PIK3R4: variants seen among roughly 807,000 people sequenced by gnomAD.
PIK3R4 encodes the protein phosphoinositide 3-kinase regulatory subunit 4.
Under a neutral mutation model 136.5 loss-of-function variants are expected in PIK3R4, and 46 were observed. The ratio of observed to expected loss-of-function variants is 0.34; its 90% CI spans 0.27 to 0.43. PIK3R4 has a LOEUF of 0.43. Ranked by LOEUF, PIK3R4 falls within the 20% of genes least tolerant of loss-of-function variation. PIK3R4 has a pLI of 1.00. For synonymous variants in PIK3R4, 557 were observed against 566.7 expected (o/e 0.98, Z 0.24); for missense variants, 1,331 against 1,649.5 (o/e 0.81, Z 3.35).
intron 19 of PIK3R4, 48 bp from the exon 20 acceptor site, chr3:130,679,533 C>A: frequency 7.3e-7 from 1 of 1,378,422 alleles, no homozygotes; most frequent in South Asian, 1.3e-5. Context: ...AAGTCTGTAC[C>A]ACATTTTTCC....
At chr3:130,691,392 A>C (rs16831057) in intron 13 of PIK3R4, among the ~76,000 whole-genome samples, 3,210 of 152,330 alleles carry the variant, frequency 0.021, 102 homozygotes, top group East Asian at 0.1. Context: ...AAAATCAGGT[A>C]ATATGTAAAC....
intron 13 of PIK3R4, among the ~76,000 whole-genome samples, chr3:130,703,495 A>AT (rs2066590684): frequency 1.3e-5 from 2 of 152,030 alleles, no homozygotes; most frequent in South Asian, 4.2e-4. Context: ...TTCCTGCTGT[A>AT]TTTTTTACCA....
rs1358781395 is a variant in PIK3R4 at position 130,681,416 on chromosome 3, GT to G, written c.3708+74del. Reference sequence around the variant, plus strand: ...AACCCAAAAGCCCAACAGATACTAGGTTTGATTAAATGCCTGAAAGTACTTA... The same window carrying G: ...AACCCAAAAGCCCAACAGATACTAGGTTGATTAAATGCCTGAAAGTACTTA... On this transcript the variant is annotated intron_variant, in intron 17 of 19. Coordinates refer to ENST00000356763, the MANE Select transcript of PIK3R4 (RefSeq NM_014602.3). 4 of 989,716 alleles carry G rather than the reference GT, an allele frequency of 4.0e-6. No homozygotes were observed. In the African/African-American group the frequency reaches 6.4e-5, roughly 16 times the overall value. 61.3% of individuals were successfully genotyped at this position (989,716 alleles called of 1,614,324 possible). A position where few individuals can be genotyped will look rare whatever the true frequency, so the allele number is the denominator to read the frequency against.
intron 7 of PIK3R4, among the ~76,000 whole-genome samples, chr3:130,721,367 C>T (rs2066699306): frequency 1.3e-5 from 2 of 151,394 alleles, no homozygotes; most frequent in Admixed American, 6.6e-5. Flanking sequence ...AAAAATGGAA[C>T]TACCTGTGAT....
At chr3:130,741,067 G>C (rs2066820719) in intron 2 of PIK3R4, among the ~76,000 whole-genome samples, 1 of 152,160 alleles carries the variant, frequency 6.6e-6, no homozygotes, top group Non-Finnish European at 1.5e-5. Context: ...AGGTTTTATT[G>C]ACTGAATTGT....
intron 7 of PIK3R4, among the ~76,000 whole-genome samples, chr3:130,723,099 T>TAAAAAAAAAAAAAAAAAAAAACA (rs1559827922): frequency 1.2e-5 from 1 of 84,842 alleles, no homozygotes; most frequent in Non-Finnish European, 2.3e-5. Flanking sequence ...AAAAAAAAAT[T>TAAAAAAAAAAAAAAAAAAAAACA]AAAAATAAAA....
In PIK3R4 at chr3:130,684,280, G is replaced by A. The variant is rs2066475952; in HGVS notation, c.3577C>T (p.His1193Tyr). Residue 1193 changes from histidine to tyrosine, a missense_variant, in exon 16 of 20, where the codon CAC (histidine) becomes TAC (tyrosine). By Grantham distance (83) the His-to-Tyr change is moderately conservative (BLOSUM62 2). Transcript: ENST00000356763. ...ATCACCCAGGACTGATACAGAGGGTGCATTGAGAGGCGTCTGATTCGAGCC... is the reference window on the plus strand; with the variant it reads ...ATCACCCAGGACTGATACAGAGGGTACATTGAGAGGCGTCTGATTCGAGCC... ...SRARIRRLSM[H>Y]PLYQSWVIAA... is the part of the protein sequence containing the mutation. 1.2e-6 allele frequency: 2 copies of A among 1,613,272 alleles called. No homozygotes were observed. Among genetic ancestry groups the A allele is most frequent in the Admixed American group, 1.7e-5 (1 of 59,984 alleles).
Position 130,723,440 on chromosome 3 carries a change from T to C in PIK3R4, c.1955A>G (p.His652Arg). Residue 652 changes from histidine to arginine, a missense_variant, in exon 7 of 20, where the codon CAT becomes CGT. His to Arg is a conservative substitution (Grantham distance 29). Transcript: ENST00000356763. ...AATATCACTGGCAAATTCGTAAACA[T>C]GGGGTTTTTGTAGCAGTCCTAACTG... ...MCQLGLLQKP[H>R]VYEFASDIAP... is the part of the protein sequence containing the mutation. The C allele has an allele frequency of 6.2e-7, 1 of 1,604,058 alleles. No individual in the cohort carries two copies. Among genetic ancestry groups the C allele is most frequent in the East Asian group, 2.3e-5 (1 of 44,432 alleles).
rs2066593373 is a variant in PIK3R4 at position 130,703,942 on chromosome 3, C to T, written c.2933-54G>A. The T allele has an allele frequency of 8.8e-6, 10 of 1,134,472 alleles. No homozygotes were observed. In the South Asian group the frequency reaches 1.3e-4, roughly 15 times the overall value. 70.3% of individuals were successfully genotyped at this position (1,134,472 alleles called of 1,614,324 possible). ...AACTGTAGTTTACAAATACAATGTC[C>T]CCATCATCCCCTGTTATAATAACCA... On this transcript the variant is annotated intron_variant, in intron 12 of 19. Transcript: ENST00000356763.
At chr3:130,706,891 A>C (rs1387978011) in intron 11 of PIK3R4, 57 bp downstream of exon 11, 3 of 1,425,904 alleles carry the variant, frequency 2.1e-6, no homozygotes, top group Non-Finnish European at 2.8e-6. Flanking sequence ...AAACAACCAA[A>C]ATAGCAGAAG....
chr3:130,705,651 T>C lies in PIK3R4; in HGVS notation c.2842A>G (p.Ile948Val), dbSNP rs769234810. ...TTCKTELQQLIQQKREQCNAE... is the reference protein window; with the variant it reads ...TTCKTELQQLVQQKREQCNAE... ...TTGCACTGCTCCCGCTTTTGCTGGA[T>C]GAGTTGCTGAAGTTCAGTTTTACAA... Residue 948 changes from isoleucine (I) to valine (V), a missense_variant, in exon 12 of 20, where the codon ATC becomes GTC. Around this residue, in one of 2 missense-constraint regions of PIK3R4, gnomAD observed 1,180 missense variants for 1,407.0 expected, o/e 0.84. Coordinates refer to ENST00000356763, the MANE Select transcript of PIK3R4 (RefSeq NM_014602.3). 6.2e-7 allele frequency: 1 copy of C among 1,613,478 alleles called. No individual in the cohort carries two copies. The highest frequency in any genetic ancestry group is 1.1e-5 in the South Asian group (1 of 91,072).
At chr3:130,718,711 T>A (rs1048952355) in intron 7 of PIK3R4, among the ~76,000 whole-genome samples, 177 bp from the exon 8 acceptor site, 3 of 152,202 alleles carry the variant, frequency 2.0e-5, no homozygotes, top group African/African-American at 7.2e-5. Flanking sequence ...ACACTGTTAT[T>A]ATAATATTCT....
chr3:130,681,265 A>G (rs2066456546), intron 17 of PIK3R4, among the ~76,000 whole-genome samples, 200 bp from the exon 18 acceptor site: 1 of 152,208 alleles, frequency 6.6e-6, no homozygotes, highest in Non-Finnish European at 1.5e-5. Flanking sequence ...GGGGTTCCAA[A>G]GAGACATCAC....
At chr3:130,703,493 G>A (rs947114965) in intron 13 of PIK3R4, among the ~76,000 whole-genome samples, 2 of 152,048 alleles carry the variant, frequency 1.3e-5, no homozygotes, top group African/African-American at 2.4e-5. Flanking sequence ...CTTTCCTGCT[G>A]TATTTTTTAC....
chr3:130,690,471 A>C lies in PIK3R4; in HGVS notation c.3263+19T>G, dbSNP rs769072698. On this transcript the variant is annotated intron_variant, in intron 14 of 19. Coordinates refer to ENST00000356763, the MANE Select transcript of PIK3R4 (RefSeq NM_014602.3). Reference sequence around the variant, plus strand: ...AGTGCACTAAATACAATGTTTAAGAAAGACAAAAGATAAGATACCTGCTTT... The same window carrying C: ...AGTGCACTAAATACAATGTTTAAGACAGACAAAAGATAAGATACCTGCTTT... 6.3e-7 allele frequency: 1 copy of C among 1,592,568 alleles called. No individual in the cohort carries two copies. The highest frequency in any genetic ancestry group is 1.1e-5 in the South Asian group (1 of 88,810).
intron 7 of PIK3R4, among the ~76,000 whole-genome samples, chr3:130,720,414 T>C (rs189348898): frequency 1.3e-5 from 2 of 152,188 alleles, no homozygotes; most frequent in African/African-American, 4.8e-5. Context: ...AGGCTGGTCT[T>C]GAGCTCCTGA....
chr3:130,734,737 AT>A (rs1233010371), intron 3 of PIK3R4, among the ~76,000 whole-genome samples: 1 of 135,020 alleles, frequency 7.4e-6, no homozygotes, highest in Admixed American at 7.6e-5. Flanking sequence ...AATTTATCCT[AT>A]GGTTTTCTAG....
intron 13 of PIK3R4, among the ~76,000 whole-genome samples, chr3:130,698,351 T>C (rs530238219): frequency 6.6e-6 from 1 of 152,342 alleles, no homozygotes; most frequent in South Asian, 2.1e-4. Flanking sequence ...GAATGCTTGA[T>C]AGTGCACCAC....
At chr3:130,701,176 G>A (rs1201060743) in intron 13 of PIK3R4, among the ~76,000 whole-genome samples, 1 of 152,048 alleles carries the variant, frequency 6.6e-6, no homozygotes, top group Non-Finnish European at 1.5e-5. Context: ...AGAACCACTT[G>A]GAAAACAATT....
Sources: allele counts gnomAD v4.1 joint callset (sites outside exome capture counted in the v4.1 genomes callset), GRCh38; gene constraint gnomAD v4.1.1; regional missense constraint gnomAD v4.1.1; transcripts MANE v1.5; gene names NCBI Gene and HGNC (gene_info 2026-07-23, HGNC 2026-07-21).